The following TAS2R1 variants were observed in gnomAD, a reference collection of about 807,000 sequenced individuals.
The protein encoded by TAS2R1 is taste 2 receptor member 1.
For synonymous variants in TAS2R1, 141 were observed against 134.2 expected (o/e 1.05, Z -0.35); for missense variants, 370 against 353.4 (o/e 1.05, Z -0.38).
chr5:9,867,872 A>T, the TAS2R1 span, among the ~76,000 whole-genome samples: 2 of 152,252 alleles, frequency 1.3e-5, no homozygotes, highest in African/African-American at 4.8e-5. Flanking sequence ...TGCCCATGCT[A>T]AATGGGAGAA....
the TAS2R1 span, among the ~76,000 whole-genome samples, chr5:9,755,600 A>AG: frequency 3.3e-5 from 5 of 151,816 alleles, no homozygotes; most frequent in Admixed American, 6.6e-5. Context: ...AAAAAAAAAA[A>AG]AAAAAGAAAA....
intron 1 of TAS2R1, among the ~76,000 whole-genome samples, chr5:9,711,177 G>T (rs1177296238): frequency 6.6e-6 from 1 of 151,768 alleles, no homozygotes; most frequent in Non-Finnish European, 1.5e-5. Flanking sequence ...TTATCTAAAA[G>T]AACTGAAATC....
intron 1 of TAS2R1, among the ~76,000 whole-genome samples, chr5:9,662,449 T>C (rs372597165): frequency 9.3e-4 from 141 of 152,250 alleles, no homozygotes; most frequent in African/African-American, 2.6e-3. Context: ...GTCAGAGAAG[T>C]GGCCTGCAGG....
the TAS2R1 span, among the ~76,000 whole-genome samples, chr5:9,768,467 T>A: frequency 1.6e-4 from 24 of 152,196 alleles, no homozygotes; most frequent in Non-Finnish European, 2.9e-4. Context: ...TCAGCGCTGC[T>A]TTCCCATGAC....
the TAS2R1 span, among the ~76,000 whole-genome samples, chr5:9,822,604 C>T: frequency 6.6e-6 from 1 of 152,206 alleles, no homozygotes; most frequent in Non-Finnish European, 1.5e-5. Flanking sequence ...CCGCCTCGGC[C>T]TCCCAAAGTG....
rs923758425 is a variant in TAS2R1, at chr5:9,630,182, G to C, written c.-150C>G. On this transcript the variant is annotated 5_prime_UTR_variant, in exon 1 of 1. Coordinates refer to ENST00000382492, the MANE Select transcript of TAS2R1 (RefSeq NM_019599.3). ...TGGGGCAGGAAGGTGGTGTACATTTGTTTATGTCACTGCTTTCTCTATTTA... is the reference window on the plus strand; with the variant it reads ...TGGGGCAGGAAGGTGGTGTACATTTCTTTATGTCACTGCTTTCTCTATTTA... 1.7e-6 allele frequency: 1 copy of C among 581,992 alleles called. No individual in the cohort carries two copies. Among genetic ancestry groups the C allele is most frequent in the Non-Finnish European group, 2.9e-6 (1 of 345,866 alleles). The allele number at this position is 581,992 out of a possible 1,614,324, so 36.1% of individuals were successfully genotyped here.
intron 2 of TAS2R1, among the ~76,000 whole-genome samples, chr5:9,650,346 G>GT (rs1740278425): frequency 6.6e-6 from 1 of 152,044 alleles, no homozygotes; most frequent in Admixed American, 6.6e-5. Flanking sequence ...AAAAAAGGGT[G>GT]TGCAGGAGGG....
chr5:9,653,420 G>A (rs1367549611), intron 2 of TAS2R1, among the ~76,000 whole-genome samples: 1 of 152,138 alleles, frequency 6.6e-6, no homozygotes, highest in African/African-American at 2.4e-5. Context: ...ATTTGTTGAT[G>A]GATGCTTGGT....
the TAS2R1 span, among the ~76,000 whole-genome samples, chr5:9,763,452 G>A: frequency 4.7e-4 from 72 of 152,024 alleles, no homozygotes; most frequent in African/African-American, 1.6e-3. Flanking sequence ...GCAGTGAGCC[G>A]AGATTGCACC....
chr5:9,658,914 G>A (rs1359093832), intron 2 of TAS2R1: 1 of 152,178 alleles, frequency 6.6e-6, no homozygotes, highest in East Asian at 1.9e-4. Flanking sequence ...TGTTACAGAA[G>A]TTACAGTATG....
intron 1 of TAS2R1, among the ~76,000 whole-genome samples, chr5:9,710,382 C>T (rs183304532): frequency 6.6e-6 from 1 of 152,372 alleles, no homozygotes; most frequent in East Asian, 1.9e-4. Flanking sequence ...TCTAATTCCC[C>T]CAATAGTAGT....
intron 1 of TAS2R1, among the ~76,000 whole-genome samples, chr5:9,670,512 C>T (rs1414178027): frequency 6.6e-6 from 1 of 152,176 alleles, no homozygotes; most frequent in Non-Finnish European, 1.5e-5. Context: ...CATGTGGCTG[C>T]ACTGGCATCT....
the TAS2R1 span, among the ~76,000 whole-genome samples, chr5:9,826,435 A>G: frequency 6.6e-6 from 1 of 152,238 alleles, no homozygotes; most frequent in Admixed American, 6.5e-5. Flanking sequence ...AAACAACGTA[A>G]AAAGAAACAC....
chr5:9,657,584 A>G (rs536495224), intron 2 of TAS2R1, among the ~76,000 whole-genome samples: 4 of 152,308 alleles, frequency 2.6e-5, no homozygotes, highest in Admixed American at 2.6e-4. Context: ...CAAAAAGGAG[A>G]AAATTTTTGA....
the TAS2R1 span, among the ~76,000 whole-genome samples, chr5:9,875,467 A>G: frequency 1.5e-4 from 23 of 152,232 alleles, no homozygotes; most frequent in Admixed American, 5.2e-4. Context: ...AACCTGTGCC[A>G]TATGAAAGGA....
the TAS2R1 span, chr5:9,870,059 A>G: frequency 3.3e-5 from 5 of 152,252 alleles, no homozygotes; most frequent in Non-Finnish European, 5.9e-5. Context: ...TTCTGGAAAC[A>G]TGACTAAGCC....
intron 1 of TAS2R1, among the ~76,000 whole-genome samples, chr5:9,709,188 G>GA (rs535742726): frequency 0.016 from 1,331 of 84,736 alleles, 17 homozygotes; most frequent in African/African-American, 0.034. Flanking sequence ...ACTTAAAGTA[G>GA]AAAAAAAAAA....
At chr5:9,828,512 ATGG>A in the TAS2R1 span, among the ~76,000 whole-genome samples, 1 of 152,212 alleles carries the variant, frequency 6.6e-6, no homozygotes, top group Non-Finnish European at 1.5e-5. Flanking sequence ...TACCAAGTAT[ATGG>A]TGTGACATGA....
At chr5:9,897,262 A>G in the TAS2R1 span, among the ~76,000 whole-genome samples, 1 of 152,202 alleles carries the variant, frequency 6.6e-6, no homozygotes, top group Admixed American at 6.5e-5. Context: ...CAGCCTGGCC[A>G]ATATGGTGAA....
Sources: gnomAD v4.1 joint callset for allele counts (sites outside exome capture counted in the v4.1 genomes callset) on GRCh38, gnomAD v4.1.1 for gene constraint, MANE v1.5 for transcripts, NCBI Gene and HGNC (gene_info 2026-07-23, HGNC 2026-07-21) for gene names.